Variants in UBE2H observed in about 807,000 individuals in gnomAD.
UBE2H encodes the protein ubiquitin-conjugating enzyme E2 H.
UBE2H carries 3 observed loss-of-function variants against 29.0 expected under a neutral mutation model. That is an observed-to-expected ratio of 0.10 (90% CI 0.05 to 0.27). The LOEUF (loss-of-function observed/expected upper bound fraction) is 0.27. UBE2H is among the 10% of genes least tolerant of loss of function. The pLI is 1.00. For missense variants in UBE2H, 68 were observed against 228.2 expected, an observed-to-expected ratio of 0.30 and a Z score of 4.52; for synonymous variants, 69 against 82.9, an observed-to-expected ratio of 0.83 and a Z score of 0.91.
intron 1 of UBE2H, among the ~76,000 whole-genome samples, chr7:129,910,699 C>A (rs573350497): frequency 6.6e-5 from 10 of 151,544 alleles, no homozygotes; most frequent in Admixed American, 2.0e-4. Context: ...CTGGACAACA[C>A]GGTGAAACCC....
Position 129,883,966 on chromosome 7 carries a change from T to C in UBE2H, c.54-2995A>G, listed in dbSNP as rs1222493149. Reference sequence around the variant, plus strand: ...CAAAAATTAGCCAGGCATGGTGGTATGCGCCTATAATCCCAACAACTTGGG... The same window carrying C: ...CAAAAATTAGCCAGGCATGGTGGTACGCGCCTATAATCCCAACAACTTGGG... On this transcript the variant is annotated intron_variant, in intron 1 of 6. Transcript: ENST00000355621. Among the ~76,000 whole-genome samples the C allele has an allele frequency of 2.6e-5, 4 of 152,096 alleles. No homozygotes were observed. In the South Asian group the frequency reaches 8.3e-4, roughly 32 times the overall value.
intron 1 of UBE2H, among the ~76,000 whole-genome samples, chr7:129,915,697 TTGTAAAACAGCCTGCCCGTACCTG>T (rs1464894991): frequency 1.3e-5 from 2 of 152,306 alleles, no homozygotes; most frequent in East Asian, 3.9e-4. Flanking sequence ...CTTTAACTCC[TTGTAAAACAGCCTGCCCGTACCTG>T]TGGCCAAAGC....
intron 1 of UBE2H, chr7:129,948,961 C>T: frequency 2.2e-6 from 1 of 456,840 alleles, no homozygotes; most frequent in South Asian, 1.6e-5. Flanking sequence ...TCACATACTC[C>T]ATCAGCTGTT....
chr7:129,925,252 G>A (rs1807242414), intron 1 of UBE2H, among the ~76,000 whole-genome samples: 3 of 151,960 alleles, frequency 2.0e-5, no homozygotes, highest in South Asian at 2.1e-4. Flanking sequence ...GGAGGCTGAC[G>A]AAGAGAATTG....
chr7:129,940,588 GC>G (rs1407959878), intron 1 of UBE2H, among the ~76,000 whole-genome samples: 1 of 152,166 alleles, frequency 6.6e-6, no homozygotes, highest in South Asian at 2.1e-4. Context: ...TATTCACACT[GC>G]CTACATAACG....
chr7:129,880,810 C>T (rs1806238009), intron 2 of UBE2H, 85 bp downstream of exon 2: 1 of 1,243,916 alleles, frequency 8.0e-7, no homozygotes. Flanking sequence ...AGAAACTACG[C>T]ATGCTACCAT....
intron 1 of UBE2H, among the ~76,000 whole-genome samples, chr7:129,931,053 T>C (rs1163251814): frequency 6.0e-5 from 9 of 148,932 alleles, no homozygotes; most frequent in African/African-American, 1.7e-4. Flanking sequence ...ACCCAATCTC[T>C]ATTAAATACA....
intron 1 of UBE2H, among the ~76,000 whole-genome samples, chr7:129,920,519 T>C (rs1408096791): frequency 6.6e-6 from 1 of 152,002 alleles, no homozygotes; most frequent in Non-Finnish European, 1.5e-5. Flanking sequence ...TCTAATAATA[T>C]CAATAAATCT....
chr7:129,927,848 A>G (rs1807302610), intron 1 of UBE2H, among the ~76,000 whole-genome samples: 1 of 152,072 alleles, frequency 6.6e-6, no homozygotes, highest in Non-Finnish European at 1.5e-5. Context: ...ATACCAAATT[A>G]CAGATAGATA....
chr7:129,891,964 T>TC (rs1806501266), intron 1 of UBE2H, among the ~76,000 whole-genome samples: 1 of 150,188 alleles, frequency 6.7e-6, no homozygotes, highest in African/African-American at 2.4e-5. Context: ...TTTTTTTTTT[T>TC]TTTTTTGAGA....
chr7:129,905,013 A>G (rs974987522), intron 1 of UBE2H, among the ~76,000 whole-genome samples: 9 of 130,036 alleles, frequency 6.9e-5, no homozygotes, highest in Admixed American at 6.8e-4. Flanking sequence ...ACATGAAGTA[A>G]GATGGCCCCT....
intron 4 of UBE2H, 72 bp from the exon 5 acceptor site, chr7:129,857,635 T>C (rs1283956954): frequency 1.3e-6 from 2 of 1,495,744 alleles, no homozygotes; most frequent in African/African-American, 2.8e-5. Flanking sequence ...GCAACTAATT[T>C]TTACTTATCA....
At chr7:129,863,999 G>C (rs1467010001) in intron 3 of UBE2H, among the ~76,000 whole-genome samples, 1 of 151,978 alleles carries the variant, frequency 6.6e-6, no homozygotes, top group Non-Finnish European at 1.5e-5. Flanking sequence ...CACCATGTTG[G>C]CCAGGCTGGT....
At chr7:129,921,491 C>T (rs923604094) in intron 1 of UBE2H, among the ~76,000 whole-genome samples, 1 of 151,840 alleles carries the variant, frequency 6.6e-6, no homozygotes, top group Admixed American at 6.6e-5. Context: ...TGAGGTCAGG[C>T]GTTCAAGACC....
At chr7:129,879,722 C>A (rs1806217170) in intron 2 of UBE2H, 80 bp from the exon 3 acceptor site, 2 of 1,308,482 alleles carry the variant, frequency 1.5e-6, no homozygotes, top group Admixed American at 3.9e-5. Context: ...AAACATTATC[C>A]CCTAATCTTC....
At chr7:129,836,231 T>G (rs907115471) in intron 6 of UBE2H, among the ~76,000 whole-genome samples, 2 of 152,276 alleles carry the variant, frequency 1.3e-5, no homozygotes, top group Non-Finnish European at 2.9e-5. Flanking sequence ...TTGACTATTT[T>G]GCGTCTTCCT....
intron 5 of UBE2H, among the ~76,000 whole-genome samples, chr7:129,850,885 A>G (rs1805596953): frequency 6.6e-6 from 1 of 151,458 alleles, no homozygotes; most frequent in African/African-American, 2.4e-5. Flanking sequence ...AGAGAGAGAG[A>G]AAGGAGAGAG....
At chr7:129,935,379 C>T (rs1807505845) in intron 1 of UBE2H, among the ~76,000 whole-genome samples, 1 of 149,110 alleles carries the variant, frequency 6.7e-6, no homozygotes, top group Non-Finnish European at 1.5e-5. Context: ...CACCACTGCA[C>T]TCCAGCCTGG....
chr7:129,880,881 A>G lies in UBE2H; in HGVS notation c.130+14T>C. ...GACTGTAATAGAAGAACACATACCA[A>G]CACATGTACTTACTTCCTTGTGGTC... On this transcript the variant is annotated intron_variant, in intron 2 of 6. Coordinates refer to ENST00000355621, the MANE Select transcript of UBE2H (RefSeq NM_003344.4). The G allele has an allele frequency of 1.2e-6, 2 of 1,604,174 alleles. No individual in the cohort carries two copies. Among genetic ancestry groups the G allele is most frequent in the Non-Finnish European group, 1.7e-6 (2 of 1,172,014 alleles).
Sources: gnomAD v4.1 joint callset for allele counts (sites outside exome capture counted in the v4.1 genomes callset) on GRCh38, gnomAD v4.1.1 for gene constraint, MANE v1.5 for transcripts, NCBI Gene and HGNC (gene_info 2026-07-23, HGNC 2026-07-21) for gene names.